SLC17A1: variants seen among roughly 807,000 people sequenced by gnomAD.
The protein encoded by SLC17A1 is sodium-dependent phosphate transport protein 1.
A neutral mutation model predicts 53.5 loss-of-function variants in SLC17A1; 51 were observed. The ratio of observed to expected loss-of-function variants is 0.95; its 90% confidence interval spans 0.76 to 1.20. The LOEUF is 1.20. Among genes scored for constraint, SLC17A1 ranks in the 50% most tolerant of loss-of-function variants. The pLI is 0.00. For missense variants in SLC17A1, 538 were observed against 568.2 expected (o/e 0.95, Z 0.54); for synonymous variants, 179 against 198.8 (o/e 0.90, Z 0.84).
At chr6:25,813,244 GTC>G (rs755104364) in intron 6 of SLC17A1, 31 bp from the exon 7 acceptor site, 428 of 1,552,350 alleles carry the variant, frequency 2.8e-4, no homozygotes, top group Middle Eastern at 2.0e-3. Flanking sequence ...AGAATTGGAA[GTC>G]TCTGTTTGTA....
At chr6:25,806,036 T>A (rs1169967806) in intron 10 of SLC17A1, among the ~76,000 whole-genome samples, 1 of 152,030 alleles carries the variant, frequency 6.6e-6, no homozygotes, top group African/African-American at 2.4e-5. Context: ...ATGAAGCCAG[T>A]ATCACCCTGA....
chr6:25,801,123 G>C (rs1004538487), intron 10 of SLC17A1, 143 bp from the exon 11 acceptor site: 6 of 608,630 alleles, frequency 9.9e-6, no homozygotes, highest in Non-Finnish European at 1.5e-5. Flanking sequence ...GTTAGAAAAA[G>C]TATATGAATA....
At chr6:25,785,853 T>C (rs1763370904) in intron 12 of SLC17A1, among the ~76,000 whole-genome samples, 1 of 152,108 alleles carries the variant, frequency 6.6e-6, no homozygotes, top group African/African-American at 2.4e-5. Flanking sequence ...ATATGGAGAA[T>C]TGGAATTCTA....
chr6:25,778,677 G>A (rs949473424), downstream of SLC17A1, among the ~76,000 whole-genome samples: 1 of 152,192 alleles, frequency 6.6e-6, no homozygotes, highest in African/African-American at 2.4e-5. Context: ...ATATTGAATG[G>A]TAACAGGAGA....
intron 5 of SLC17A1, 126 bp from the exon 6 acceptor site, chr6:25,819,280 A>C (rs1305061046): frequency 1.4e-6 from 1 of 702,466 alleles, no homozygotes; most frequent in East Asian, 2.8e-5. Context: ...CACAAACATC[A>C]GAAGAAAATA....
At chr6:25,726,735 G>A in the SLC17A1 span, 23 of 1,076,114 alleles carry the variant, frequency 2.1e-5, no homozygotes, top group Non-Finnish European at 2.8e-5. Flanking sequence ...CGGCGTTTGA[G>A]GGCCGTGCCT....
chr6:25,782,020 T>C (rs1763278611), downstream of SLC17A1, among the ~76,000 whole-genome samples: 1 of 152,150 alleles, frequency 6.6e-6, no homozygotes, highest in Non-Finnish European at 1.5e-5. Flanking sequence ...AAAGCACTAA[T>C]GGAAAGTTCC....
chr6:25,756,337 C>T, the SLC17A1 span, among the ~76,000 whole-genome samples: 1 of 152,192 alleles, frequency 6.6e-6, no homozygotes, highest in Non-Finnish European at 1.5e-5. Context: ...GTCTCCTTCT[C>T]AGTGTTCCCG....
chr6:25,726,229 C>G, the SLC17A1 span: 12 of 1,612,868 alleles, frequency 7.4e-6, no homozygotes, highest in Non-Finnish European at 9.3e-6. Flanking sequence ...AATGGTCACG[C>G]CGCCCAAAAG....
the SLC17A1 span, chr6:25,726,089 T>C: frequency 8.1e-6 from 12 of 1,481,018 alleles, no homozygotes; most frequent in Admixed American, 1.4e-4. Context: ...GAGCCTTTTG[T>C]TTTTTCTGAC....
chr6:25,795,586 G>C (rs953797216), intron 12 of SLC17A1, among the ~76,000 whole-genome samples: 2 of 152,026 alleles, frequency 1.3e-5, no homozygotes, highest in Non-Finnish European at 2.9e-5. Context: ...AACTGCAGTT[G>C]GATTGAAGTC....
At chr6:25,815,939 G>A (rs1444266586) in intron 6 of SLC17A1, among the ~76,000 whole-genome samples, 3 of 143,062 alleles carry the variant, frequency 2.1e-5, no homozygotes, top group African/African-American at 7.8e-5. Context: ...TGCCACTTCA[G>A]CTCCAAAGGT....
At chr6:25,725,442 G>A in the SLC17A1 span, among the ~76,000 whole-genome samples, 1 of 152,064 alleles carries the variant, frequency 6.6e-6, no homozygotes, top group Non-Finnish European at 1.5e-5. Flanking sequence ...ATTTAATTAT[G>A]AGTATTTCGT....
At chr6:25,823,602 T>G (rs1764639081) in intron 3 of SLC17A1, among the ~76,000 whole-genome samples, 1 of 152,124 alleles carries the variant, frequency 6.6e-6, no homozygotes, top group African/African-American at 2.4e-5. Flanking sequence ...ATTTTTCCTC[T>G]GTGTATCTCC....
the SLC17A1 span, among the ~76,000 whole-genome samples, chr6:25,774,819 C>T: frequency 2.0e-5 from 3 of 152,274 alleles, no homozygotes; most frequent in East Asian, 5.8e-4. Context: ...TTCTCATTGC[C>T]TTCAGGGCAT....
At chr6:25,727,051 A>G in the SLC17A1 span, 2 of 1,614,264 alleles carry the variant, frequency 1.2e-6, no homozygotes, top group Non-Finnish European at 1.7e-6. Context: ...AAAGTGCTAA[A>G]GCAGGTCCAT....
chr6:25,757,216 A>G, the SLC17A1 span, among the ~76,000 whole-genome samples: 1 of 152,160 alleles, frequency 6.6e-6, no homozygotes, highest in Non-Finnish European at 1.5e-5. Context: ...TACGTTACAT[A>G]ACATTTCCAC....
At chr6:25,793,110 G>A (rs1763536446) in intron 12 of SLC17A1, among the ~76,000 whole-genome samples, 1 of 152,108 alleles carries the variant, frequency 6.6e-6, no homozygotes, top group Non-Finnish European at 1.5e-5. Flanking sequence ...CACTTACACA[G>A]TTTATCTCTC....
the SLC17A1 span, chr6:25,754,840 G>A: frequency 6.6e-6 from 1 of 152,118 alleles, no homozygotes; most frequent in African/African-American, 2.4e-5. Context: ...ATGGGAATGG[G>A]TCTGTTTCTG....
Sources: gnomAD v4.1 joint callset for allele counts (sites outside exome capture counted in the v4.1 genomes callset) on GRCh38, gnomAD v4.1.1 for gene constraint, MANE v1.5 for transcripts, NCBI Gene and HGNC (gene_info 2026-07-23, HGNC 2026-07-21) for gene names.